Variants in TNK1 observed in about 807,000 individuals in gnomAD.
The protein encoded by TNK1 is tyrosine kinase non receptor 1.
In TNK1, 53 loss-of-function variants were observed where a neutral mutation model predicts 65.2. The ratio of observed to expected loss-of-function variants is 0.81; its 90% confidence interval spans 0.65 to 1.02. TNK1 has a LOEUF of 1.02. Ranked by LOEUF, TNK1 falls within the 50% of genes least tolerant of loss-of-function variation. TNK1 has a pLI of 0.00. For missense variants in TNK1, 837 were observed against 878.4 expected, an observed-to-expected ratio of 0.95 and a Z score of 0.60; for synonymous variants, 353 against 364.6, an observed-to-expected ratio of 0.97 and a Z score of 0.36.
chr17:7,383,844 CTGGGCCAGCCTCTGCAGA>C lies in TNK1; in HGVS notation c.566_582+1del. The C allele has an allele frequency of 1.2e-6, 2 of 1,610,120 alleles. No homozygotes were observed. Among genetic ancestry groups the C allele is most frequent in the African/African-American group, 2.7e-5 (2 of 74,990 alleles). On this transcript the variant is annotated inframe_deletion and splice_region_variant, in exon 5 of 13. Coordinates refer to ENST00000688331, the MANE Select transcript of TNK1 (RefSeq NM_003985.6). ...CGTGCTGCGTCTGCACGGCCTTGTA[CTGGGCCAGCCTCTGCAGA>C]TGGTGAGCAGATCCAGCCGCTGGTT...
chr17:7,387,124 G>A lies in TNK1; in HGVS notation c.1367G>A (p.Arg456Gln), dbSNP rs117725656. ...CCAGTCCACAGAGGCACCCCTGCCCGGGGAGATCAACACCCAGGAAGCATA... is the reference window on the plus strand; with the variant it reads ...CCAGTCCACAGAGGCACCCCTGCCCAGGGAGATCAACACCCAGGAAGCATA... The part of the protein sequence containing the change: ...TRPVHRGTPA[R>Q]GDQHPGSIDG... Residue 456 changes from arginine (R) to glutamine (Q), a missense_variant, in exon 9 of 13, where the codon CGG becomes CAG. Transcript: ENST00000688331. 5.5e-4 allele frequency: 871 copies of A among 1,596,734 alleles called. 5 individuals carry two copies. The East Asian group carries it at 9.1e-3, about 17-fold the overall frequency.
Position 7,389,046 on chromosome 17 carries a change from C to T in TNK1, c.1948C>T (p.Leu650Phe). Residue 650 changes from leucine (L) to phenylalanine (F), a missense_variant, in exon 13 of 13, where the codon CTC (leucine) becomes TTC (phenylalanine). Coordinates refer to ENST00000688331, the MANE Select transcript of TNK1 (RefSeq NM_003985.6). ...WRILEHYQWD[L>F]SAASRYVLAR... ...CATCCTGGAGCATTACCAGTGGGAC[C>T]TCTCAGCTGCCAGCCGCTATGTCCT... is the stretch of plus-strand genomic sequence containing the variant. 13 of 1,554,406 alleles carry T rather than the reference C, an allele frequency of 8.4e-6. No homozygotes were observed. The highest frequency in any genetic ancestry group is 1.1e-5 in the Non-Finnish European group (13 of 1,148,478).
Position 7,388,772 on chromosome 17 carries a change from G to T in TNK1, c.1777-16G>T. The T allele has an allele frequency of 6.2e-7, 1 of 1,605,104 alleles. No individual in the cohort carries two copies. Among genetic ancestry groups the T allele is most frequent in the Non-Finnish European group, 8.5e-7 (1 of 1,175,174 alleles). On this transcript the variant is annotated splice_polypyrimidine_tract_variant and intron_variant, in intron 11 of 12. Coordinates refer to ENST00000688331, the MANE Select transcript of TNK1 (RefSeq NM_003985.6). The surrounding 1 kb of genome is among the most constrained non-coding windows in gnomAD (Gnocchi z 4.5). ...AGGCAGGGGCAGGGGCCTGAGTGAG[G>T]CTTTGTCTGTCACAGGTGGAGCTGA...
rs112580083 is a variant in TNK1, at chr17:7,383,380, G to C, written c.235-45G>C. On this transcript the variant is annotated intron_variant, in intron 3 of 12. Transcript: ENST00000688331. ...ATGAGGTGGCTTGAGGGGCAGGGAG[G>C]GGGGCGCAGGGCTCTGCATACCGGA... The C allele has an allele frequency of 3.5e-5, 57 of 1,613,906 alleles. No homozygotes were observed. In the African/African-American group the frequency reaches 4.9e-4, roughly 14 times the overall value.
rs749853981 is a variant in TNK1, at chr17:7,387,470, G to C, written c.1477+13G>C. ...GAGAGGATGAAAGGTGGGTGTGGTG[G>C]ACTCCAGAGTCTCTGAGGAGATCAA... On this transcript the variant is annotated intron_variant, in intron 10 of 12. Transcript: ENST00000688331. 1.3e-6 allele frequency: 2 copies of C among 1,491,488 alleles called. No individual in the cohort carries two copies. Among genetic ancestry groups the C allele is most frequent in the African/African-American group, 1.6e-5 (1 of 63,752 alleles). 92.4% of individuals were successfully genotyped at this position (1,491,488 alleles called of 1,614,324 possible).
intron 8 of TNK1, 80 bp downstream of exon 8, chr17:7,386,735 C>T (rs1190263634): frequency 1.6e-6 from 2 of 1,281,786 alleles, no homozygotes; most frequent in Admixed American, 2.0e-5. Flanking sequence ...CTCTGCTTCT[C>T]TCCAGCTCCT....
In TNK1 at chr17:7,384,627, A is replaced by T. The variant is rs1429968636; in HGVS notation, c.1010A>T (p.Glu337Val). Residue 337 changes from glutamate to valine, a missense_variant, in exon 7 of 13, where the codon GAG becomes GTG. Glu to Val is a moderately radical substitution (Grantham distance 121). Coordinates refer to ENST00000688331, the MANE Select transcript of TNK1 (RefSeq NM_003985.6). ...CCGTACCTCATCCTGCAGCGGCTGGAGGACAGAGCCCGGCTGCCTAGGCCT... is the reference window on the plus strand; with the variant it reads ...CCGTACCTCATCCTGCAGCGGCTGGTGGACAGAGCCCGGCTGCCTAGGCCT... ...VPPYLILQRL[E>V]DRARLPRPPL... is the part of the protein sequence containing the mutation. The T allele has an allele frequency of 6.2e-7, 1 of 1,611,294 alleles. No homozygotes were observed. Among genetic ancestry groups the T allele is most frequent in the Non-Finnish European group, 8.5e-7 (1 of 1,179,098 alleles).
At chr17:7,384,821 T>C in intron 7 of TNK1, 67 bp downstream of exon 7, 3 of 1,510,066 alleles carry the variant, frequency 2.0e-6, no homozygotes, top group South Asian at 2.5e-5. Context: ...CAGGGTTCCA[T>C]GCGAAGACTA....
chr17:7,383,021 T>C lies in TNK1; in HGVS notation c.95T>C (p.Val32Ala). 1 of 1,614,044 alleles carries C rather than the reference T, an allele frequency of 6.2e-7. No homozygotes were observed. The highest frequency in any genetic ancestry group is 8.5e-7 in the Non-Finnish European group (1 of 1,179,900). The change falls in exon 2 of 13, where the codon GTC becomes GCC. Residue 32 changes from valine (V) to alanine (A), a missense_variant. Val to Ala is a moderately conservative substitution (Grantham distance 64, BLOSUM62 0). Coordinates refer to ENST00000688331, the MANE Select transcript of TNK1 (RefSeq NM_003985.6). ...FYWPILEELN[V>A]TRPEHFDFVK... The stretch of plus-strand genomic sequence containing the variant: ...TGGCCCATCCTTGAGGAGCTTAATG[T>C]CACTCGGCCAGAGCACTTCGACTTT...
rs1342243189 is a variant in TNK1, at chr17:7,384,180, G to C, written c.793G>C (p.Gly265Arg). 4 of 1,533,780 alleles carry C rather than the reference G, an allele frequency of 2.6e-6. No homozygotes were observed. The highest frequency in any genetic ancestry group is 1.2e-5 in the South Asian group (1 of 83,862). Reference sequence around the variant, plus strand: ...GCGCACCATCAAGGTGGCTGACTTCGGGCTGGTGCGGCCTCTGGGCGGTGC... The same window carrying C: ...GCGCACCATCAAGGTGGCTGACTTCCGGCTGGTGCGGCCTCTGGGCGGTGC... ...SPRTIKVADF[G>R]LVRPLGGARG... is the part of the protein sequence containing the mutation. The change falls in exon 6 of 13, where the codon GGG becomes CGG. Residue 265 changes from glycine to arginine, a missense_variant. Coordinates refer to ENST00000688331, the MANE Select transcript of TNK1 (RefSeq NM_003985.6).
chr17:7,388,620 C>T lies in TNK1; in HGVS notation c.1692C>T (p.Pro564=). 2 of 1,614,008 alleles carry T rather than the reference C, an allele frequency of 1.2e-6. No homozygotes were observed. Among genetic ancestry groups the T allele is most frequent in the Non-Finnish European group, 1.7e-6 (2 of 1,179,898 alleles). The part of the protein sequence containing the change: ...WPKRKPPHNH[P]MGMPGARKAA... The stretch of plus-strand genomic sequence containing the variant: ...AAAGAAAACCCCCACACAATCACCC[C>T]ATGGGAATGCCTGGAGCCCGTAAAG... Residue 564 remains proline, a synonymous_variant, in exon 11 of 13, where the codon CCC becomes CCT. Coordinates refer to ENST00000688331, the MANE Select transcript of TNK1 (RefSeq NM_003985.6). The surrounding 1 kb of genome is among the most constrained non-coding windows in gnomAD (Gnocchi z 4.5).
At chr17:7,386,441 G>A (rs958971990) in intron 7 of TNK1, 120 bp from the exon 8 acceptor site, 4 of 732,134 alleles carry the variant, frequency 5.5e-6, no homozygotes, top group Non-Finnish European at 7.0e-6. Flanking sequence ...GACAGGGAGA[G>A]TCCCACCCTG....
rs61741886 is a variant in TNK1, at chr17:7,388,483, C to T, written c.1555C>T (p.Arg519Ter). 3.1e-4 allele frequency: 502 copies of T among 1,613,798 alleles called. No individual in the cohort carries two copies. Among genetic ancestry groups the T allele is most frequent in the Non-Finnish European group, 4.0e-4 (477 of 1,179,882 alleles). ...TGGGSSPPEI[R>*]QARAVPQGPP... ...GGGTGGTTCAAGCCCCCCTGAAATT[C>T]GACAAGCCAGAGCTGTGCCCCAGGG... Residue 519 changes from arginine to a stop codon, truncating the protein, a stop_gained, in exon 11 of 13, where the codon CGA (arginine) becomes TGA (stop). Transcript: ENST00000688331. LOFTEE classifies it high-confidence loss of function. This position sits in a 1 kb window ranked among gnomAD's most constrained non-coding sequence, Gnocchi z 4.5.
Position 7,389,322 on chromosome 17 carries a change from A to C in TNK1, c.*238A>C, listed in dbSNP as rs763334769. On this transcript the variant is annotated 3_prime_UTR_variant, in exon 13 of 13. Coordinates refer to ENST00000688331, the MANE Select transcript of TNK1 (RefSeq NM_003985.6). ...TGAAGCTCCTTTGGCTGGGCCAAGA[A>C]GGATCTAGTCTGCCCACTACATTCT... is the stretch of plus-strand genomic sequence containing the variant. 1 of 577,374 alleles carries C rather than the reference A, an allele frequency of 1.7e-6. No homozygotes were observed. The highest frequency in any genetic ancestry group is 1.9e-5 in the African/African-American group (1 of 53,676). The allele number at this position is 577,374 out of a possible 1,614,324, so 35.8% of individuals were successfully genotyped here.
intron 7 of TNK1, 26 bp downstream of exon 7, chr17:7,384,780 A>G: frequency 6.4e-7 from 1 of 1,555,982 alleles, no homozygotes; most frequent in South Asian, 1.2e-5. Context: ...CTCACCAGAT[A>G]CACAGTCCCT....
rs759275761 is a variant in TNK1 at position 7,387,028 on chromosome 17, C to G, written c.1271C>G (p.Thr424Ser). ...ATCTGGAAGGGCCAGAATGGTCGCA[C>G]CTTCAAAGTGGGCAGCTTCCCAGCC... Reference protein sequence around the residue: ...STIWKGQNGRTFKVGSFPASA... With the variant: ...STIWKGQNGRSFKVGSFPASA... The change falls in exon 9 of 13, where the codon ACC (threonine) becomes AGC (serine). Residue 424 changes from threonine (T) to serine (S), a missense_variant. Physicochemically the swap from Thr to Ser is moderately conservative, Grantham distance 58. Coordinates refer to ENST00000688331, the MANE Select transcript of TNK1 (RefSeq NM_003985.6). The G allele has an allele frequency of 5.6e-6, 9 of 1,600,770 alleles. No homozygotes were observed. Among genetic ancestry groups the G allele is most frequent in the Non-Finnish European group, 7.7e-6 (9 of 1,173,934 alleles).
rs750095363 is a variant in TNK1 at position 7,383,482 on chromosome 17, C to T, written c.292C>T (p.Arg98Trp). Reference sequence around the variant, plus strand: ...GCCCACCCTGCCCTCGGACAGCCCACGGCACCTCCCTGAGCCAGAGGGGGG... The same window carrying T: ...GCCCACCCTGCCCTCGGACAGCCCATGGCACCTCCCTGAGCCAGAGGGGGG... Reference protein sequence around the residue: ...KEPTLPSDSPRHLPEPEGGLK... With the variant: ...KEPTLPSDSPWHLPEPEGGLK... The change falls in exon 4 of 13, where the codon CGG (arginine) becomes TGG (tryptophan). Residue 98 changes from arginine (R) to tryptophan (W), a missense_variant. Transcript: ENST00000688331. The T allele has an allele frequency of 6.8e-6, 11 of 1,613,770 alleles. No homozygotes were observed. The highest frequency in any genetic ancestry group is 6.7e-5 in the Admixed American group (4 of 60,004).
chr17:7,383,164 C>T (rs1904924580), intron 2 of TNK1, 75 bp downstream of exon 2: 1 of 1,611,624 alleles, frequency 6.2e-7, no homozygotes, highest in African/African-American at 1.3e-5. Flanking sequence ...CCACAACCCT[C>T]TTCCAGCCCT....
In TNK1 at chr17:7,382,877, T is replaced by C; in HGVS notation, c.-50T>C. 1 of 1,603,342 alleles carries C rather than the reference T, an allele frequency of 6.2e-7. No homozygotes were observed. Among genetic ancestry groups the C allele is most frequent in the Non-Finnish European group, 8.5e-7 (1 of 1,173,982 alleles). ...GGTCTCTCTAGGGCCTACCCTGAGC[T>C]CACCATCTGAAGGAGAGTGCCATCA... On this transcript the variant is annotated 5_prime_UTR_variant, in exon 2 of 13. Coordinates refer to ENST00000688331, the MANE Select transcript of TNK1 (RefSeq NM_003985.6). The surrounding 1 kb of genome is among the most constrained non-coding windows in gnomAD (Gnocchi z 4.1).
Sources: gnomAD v4.1 joint callset for allele counts on GRCh38, gnomAD v4.1.1 for gene constraint, Gnocchi (gnomAD v3.1) non-coding constraint, MANE v1.5 for transcripts, NCBI Gene and HGNC (gene_info 2026-07-23, HGNC 2026-07-21) for gene names.